Variants in ANKRD30A observed in about 807,000 individuals in gnomAD.
The protein encoded by ANKRD30A is ankyrin repeat domain 30A, also known as ankyrin repeat domain-containing protein 30A.
Under a neutral mutation model 166.3 loss-of-function variants are expected in ANKRD30A, and 170 were observed. The ratio of observed to expected loss-of-function variants is 1.02; its 90% CI spans 0.90 to 1.16. The LOEUF is 1.16. Among genes scored for constraint, ANKRD30A ranks in the 50% most tolerant of loss-of-function variants. The pLI, the probability that ANKRD30A is intolerant of heterozygous loss-of-function variation, is 0.00. For synonymous variants in ANKRD30A, 564 were observed against 508.9 expected (o/e 1.11, Z -1.46); for missense variants, 1,630 against 1,518.0 (o/e 1.07, Z -1.23).
At chr10:37,213,795 GT>G (rs1842470369) in intron 31 of ANKRD30A, among the ~76,000 whole-genome samples, 1 of 151,578 alleles carries the variant, frequency 6.6e-6, no homozygotes, top group Non-Finnish European at 1.5e-5. Flanking sequence ...ATTTCCAATA[GT>G]TGAGTTGTTT....
intron 34 of ANKRD30A, among the ~76,000 whole-genome samples, chr10:37,230,728 C>G (rs554577718): frequency 1.3e-5 from 2 of 151,986 alleles, no homozygotes; most frequent in Admixed American, 1.3e-4. Context: ...TGAGAAAACA[C>G]CCTGTATAGT....
At chr10:37,211,797 T>C (rs577364183) in intron 31 of ANKRD30A, among the ~76,000 whole-genome samples, 1 of 152,236 alleles carries the variant, frequency 6.6e-6, no homozygotes, top group African/African-American at 2.4e-5. Flanking sequence ...CAGCACCTGT[T>C]GTTTCCTGAC....
rs376287588 is a variant in ANKRD30A, at chr10:37,201,380, A to G, written c.2869+55A>G. 8.2e-6 allele frequency: 11 copies of G among 1,340,164 alleles called. No homozygotes were observed. In the Admixed American group the frequency reaches 9.3e-5, roughly 11 times the overall value. 83.0% of individuals were successfully genotyped at this position (1,340,164 alleles called of 1,614,324 possible). A position where few individuals can be genotyped will look rare whatever the true frequency, so the allele number is the denominator to read the frequency against. On this transcript the variant is annotated intron_variant, in intron 31 of 35. Transcript: ENST00000361713. ...TTTGACCAAGTATTTCTCTAAAATG[A>G]TGAGGAAGGATATGCTCTAATAGCT...
At chr10:37,215,561 T>C (rs1223075414) in intron 31 of ANKRD30A, among the ~76,000 whole-genome samples, 2 of 151,504 alleles carry the variant, frequency 1.3e-5, no homozygotes, top group African/African-American at 4.8e-5. Flanking sequence ...TCTTCCTGTG[T>C]CACGTCTTGG....
At chr10:37,243,049 T>C in the ANKRD30A span, among the ~76,000 whole-genome samples, 12 of 152,198 alleles carry the variant, frequency 7.9e-5, no homozygotes, top group African/African-American at 2.9e-4. Context: ...TAAAATAGAC[T>C]AGTAATTGTA....
chr10:37,201,139 C>T, intron 30 of ANKRD30A, 96 bp from the exon 31 acceptor site: 2 of 1,040,136 alleles, frequency 1.9e-6, no homozygotes, highest in Non-Finnish European at 2.7e-6. Flanking sequence ...CAAAATAGGA[C>T]TTTTTTTTAA....
intron 31 of ANKRD30A, among the ~76,000 whole-genome samples, chr10:37,202,695 A>G: frequency 6.6e-6 from 1 of 152,224 alleles, no homozygotes; most frequent in East Asian, 1.9e-4. Context: ...CAATGAATCC[A>G]GGAGCTGGTT....
At chr10:37,151,923 T>C in intron 11 of ANKRD30A, 137 bp from the exon 12 acceptor site, 1 of 680,740 alleles carries the variant, frequency 1.5e-6, no homozygotes, top group East Asian at 3.1e-5. Context: ...GAAGTAGTTA[T>C]TGTAATCGAC....
At chr10:37,218,864 C>A in intron 33 of ANKRD30A, 116 bp from the exon 34 acceptor site, 3 of 684,886 alleles carry the variant, frequency 4.4e-6, no homozygotes, top group South Asian at 2.2e-5. Flanking sequence ...TCAACTGATA[C>A]CTACTTATAA....
intron 27 of ANKRD30A, among the ~76,000 whole-genome samples, chr10:37,194,216 AG>A (rs777680694): frequency 3.2e-4 from 48 of 152,164 alleles, no homozygotes; most frequent in African/African-American, 8.7e-4. Flanking sequence ...AAAACACAAA[AG>A]CTCACAACAT....
In ANKRD30A at chr10:37,219,107, A is replaced by G. The variant is rs778569717; in HGVS notation, c.3395A>G (p.Tyr1132Cys). The G allele has an allele frequency of 6.2e-7, 1 of 1,609,672 alleles. No homozygotes were observed. The highest frequency in any genetic ancestry group is 2.2e-5 in the East Asian group (1 of 44,752). Residue 1132 changes from tyrosine to cysteine, a missense_variant, in exon 34 of 36, where the codon TAC becomes TGC. Coordinates refer to ENST00000361713, the MANE Select transcript of ANKRD30A (RefSeq NM_052997.3). ...KHQYQEKENK[Y>C]FEDIKILKEK... Reference sequence around the variant, plus strand: ...CAATACCAGGAAAAGGAAAATAAATACTTTGAGGACATTAAGATTTTAAAA... The same window carrying G: ...CAATACCAGGAAAAGGAAAATAAATGCTTTGAGGACATTAAGATTTTAAAA...
chr10:37,204,082 C>A lies in ANKRD30A; in HGVS notation c.2869+2757C>A, dbSNP rs550367622. On this transcript the variant is annotated intron_variant, in intron 31 of 35. Coordinates refer to ENST00000361713, the MANE Select transcript of ANKRD30A (RefSeq NM_052997.3). ...TACTGCCCAAGGTAATTTATGGATT[C>A]AATGCCATCCCCATTAAGCTACCAA... Among the ~76,000 whole-genome samples, 8 of 152,262 alleles carry A rather than the reference C, an allele frequency of 5.3e-5. No individual in the cohort carries two copies. In the South Asian group the frequency reaches 1.7e-3, roughly 32 times the overall value.
At chr10:37,165,490 T>C in intron 18 of ANKRD30A, among the ~76,000 whole-genome samples, 1 of 152,196 alleles carries the variant, frequency 6.6e-6, no homozygotes, top group Non-Finnish European at 1.5e-5. Flanking sequence ...AATATATGAT[T>C]CTGTCTTATA....
chr10:37,204,639 G>T (rs1841869948), intron 31 of ANKRD30A, among the ~76,000 whole-genome samples: 2 of 152,020 alleles, frequency 1.3e-5, no homozygotes, highest in Non-Finnish European at 2.9e-5. Context: ...AAACTAAAGA[G>T]CTTCTTCTGC....
chr10:37,190,207 CTTG>C (rs761628857), intron 25 of ANKRD30A, among the ~76,000 whole-genome samples: 18 of 151,948 alleles, frequency 1.2e-4, no homozygotes, highest in Non-Finnish European at 2.2e-4. Flanking sequence ...AGCTGAAAAC[CTTG>C]TTAACAATTC....
intron 34 of ANKRD30A, among the ~76,000 whole-genome samples, chr10:37,220,404 T>G (rs576860044): frequency 1.3e-5 from 2 of 151,240 alleles, no homozygotes; most frequent in South Asian, 4.1e-4. Context: ...TTTCTGCGTC[T>G]TGTAATAATA....
chr10:37,196,342 A>G (rs1379595148), intron 27 of ANKRD30A, among the ~76,000 whole-genome samples: 1 of 152,104 alleles, frequency 6.6e-6, no homozygotes, highest in South Asian at 2.1e-4. Context: ...ACAATGAGGC[A>G]TGACAAATAT....
chr10:37,261,062 A>C, the ANKRD30A span, among the ~76,000 whole-genome samples: 7 of 152,318 alleles, frequency 4.6e-5, no homozygotes, highest in East Asian at 1.3e-3. Context: ...AAAATATAAA[A>C]GAATAAAAGG....
At chr10:37,142,317 G>C (rs1332585020) in intron 7 of ANKRD30A, 27 bp downstream of exon 7, 1 of 1,552,572 alleles carries the variant, frequency 6.4e-7, no homozygotes. Flanking sequence ...AACTTTGTAA[G>C]GTTTATTGGC....
Sources: gnomAD v4.1 joint callset for allele counts (sites outside exome capture counted in the v4.1 genomes callset) on GRCh38, gnomAD v4.1.1 for gene constraint, MANE v1.5 for transcripts, NCBI Gene and HGNC (gene_info 2026-07-23, HGNC 2026-07-21) for gene names.